The following ARID1A variants were observed in gnomAD, a reference collection of about 807,000 sequenced individuals.
The protein encoded by ARID1A is AT-rich interaction domain 1A.
A neutral mutation model predicts 212.6 loss-of-function variants in ARID1A; 20 were observed. The ratio of observed to expected loss-of-function variants is 0.09; its 90% confidence interval spans 0.07 to 0.14. ARID1A has a LOEUF of 0.14. Among genes scored for constraint, ARID1A ranks in the 10% least tolerant of loss-of-function variants. ARID1A has a pLI of 1.00. For missense variants in ARID1A, 2,587 were observed against 3,059.0 expected (o/e 0.85, Z 3.64); for synonymous variants, 1,376 against 1,222.1 (o/e 1.13, Z -2.63).
Position 26,755,563 on chromosome 1 carries a change from C to G in ARID1A, c.1921-5293C>G, listed in dbSNP as rs182318889. On this transcript the variant is annotated intron_variant, in intron 4 of 19. Coordinates refer to ENST00000324856, the MANE Select transcript of ARID1A (RefSeq NM_006015.6). Reference sequence around the variant, plus strand: ...GCCAGCCACAGATGCCTCCAGAGTTCTGAGACCCCAGCCCCAAGAGCTACA... The same window carrying G: ...GCCAGCCACAGATGCCTCCAGAGTTGTGAGACCCCAGCCCCAAGAGCTACA... Among the ~76,000 whole-genome samples the G allele has an allele frequency of 7.7e-4, 117 of 152,310 alleles. 2 individuals carry two copies. Among genetic ancestry groups the G allele is most frequent in the Admixed American group, 1.3e-3 (20 of 15,298 alleles).
intron 4 of ARID1A, among the ~76,000 whole-genome samples, chr1:26,748,821 T>A (rs765086189): frequency 1.3e-5 from 2 of 152,032 alleles, no homozygotes; most frequent in Admixed American, 6.6e-5. Flanking sequence ...GTTAGCGGCC[T>A]ATGGGAGTTC....
At chr1:26,773,278 G>T (rs1193595643) in intron 14 of ARID1A, 68 bp from the exon 15 acceptor site, 1 of 1,506,790 alleles carries the variant, frequency 6.6e-7, no homozygotes, top group South Asian at 1.3e-5. Flanking sequence ...AGAGGGCCTG[G>T]GTCAAAGGGT....
At chr1:26,754,030 G>A (rs1318162961) in intron 4 of ARID1A, among the ~76,000 whole-genome samples, 1 of 152,042 alleles carries the variant, frequency 6.6e-6, no homozygotes, top group Non-Finnish European at 1.5e-5. Flanking sequence ...GATGGTCTCA[G>A]TCTCCTGACC....
chr1:26,758,397 A>G (rs1299679903), intron 4 of ARID1A, among the ~76,000 whole-genome samples: 1 of 152,132 alleles, frequency 6.6e-6, no homozygotes, highest in African/African-American at 2.4e-5. Flanking sequence ...CCTGGGCAAC[A>G]TGGCAGAATC....
At chr1:26,709,863 C>T (rs1304232215) in intron 1 of ARID1A, among the ~76,000 whole-genome samples, 3 of 150,052 alleles carry the variant, frequency 2.0e-5, no homozygotes, top group Non-Finnish European at 4.4e-5. Context: ...GACAGAATCT[C>T]GCTCTGTCGG....
chr1:26,760,312 T>C (rs2080978716), intron 4 of ARID1A, among the ~76,000 whole-genome samples: 1 of 152,210 alleles, frequency 6.6e-6, no homozygotes, highest in African/African-American at 2.4e-5. Flanking sequence ...TTGAGTAGTT[T>C]TGAAGGAGGC....
At chr1:26,713,668 A>G (rs1225943093) in intron 1 of ARID1A, among the ~76,000 whole-genome samples, 1 of 152,114 alleles carries the variant, frequency 6.6e-6, no homozygotes, top group Non-Finnish European at 1.5e-5. Context: ...GATTTTTAGT[A>G]TCTGCTTTCC....
intron 1 of ARID1A, among the ~76,000 whole-genome samples, chr1:26,712,625 T>C (rs1402706970): frequency 6.6e-6 from 1 of 152,052 alleles, no homozygotes; most frequent in African/African-American, 2.4e-5. Flanking sequence ...CAGGAGTTTA[T>C]TGGAGGCTGC....
At position 26,697,201 on chromosome 1, in the gene ARID1A, C is replaced by A; in HGVS notation, c.798C>A (p.Phe266Leu). 1 of 1,407,316 alleles carries A rather than the reference C, an allele frequency of 7.1e-7. No homozygotes were observed. Among genetic ancestry groups the A allele is most frequent in the Non-Finnish European group, 9.2e-7 (1 of 1,087,082 alleles). The allele number at this position is 1,407,316 out of a possible 1,614,324, so 87.2% of individuals were successfully genotyped here. A position where few individuals can be genotyped will look rare whatever the true frequency, so the allele number is the denominator to read the frequency against. The change falls in exon 1 of 20, where the codon TTC becomes TTA. Residue 266 changes from phenylalanine to leucine, a missense_variant. Around this residue, in one of 11 missense-constraint regions of ARID1A, gnomAD observed 735 missense variants for 590.6 expected, o/e 1.24. Transcript: ENST00000324856. The stretch of plus-strand genomic sequence containing the variant: ...CCGCCTCCTCGTCGTCTTCGTCCTT[C>A]GCTCAGCAGCGCTTCGGGGCCATGG... The part of the protein sequence containing the change: ...SASASSSSSS[F>L]AQQRFGAMGG...
At position 26,696,861 on chromosome 1, in the gene ARID1A, C is replaced by G. The variant is rs769828930; in HGVS notation, c.458C>G (p.Pro153Arg). 7.4e-7 allele frequency: 1 copy of G among 1,354,888 alleles called. No individual in the cohort carries two copies. Among genetic ancestry groups the G allele is most frequent in the Non-Finnish European group, 9.5e-7 (1 of 1,055,764 alleles). The allele number at this position is 1,354,888 out of a possible 1,614,324, so 83.9% of individuals were successfully genotyped here. The change falls in exon 1 of 20, where the codon CCC becomes CGC. Residue 153 changes from proline to arginine, a missense_variant. By Grantham distance (103) the Pro-to-Arg change is moderately radical. Transcript: ENST00000324856. Reference sequence around the variant, plus strand: ...CCCCCAGCCTACGGCTTCGGGCAACCCTACGGCCGGAGCCCGTCTGCCGTC... The same window carrying G: ...CCCCCAGCCTACGGCTTCGGGCAACGCTACGGCCGGAGCCCGTCTGCCGTC... ...LPPPAYGFGQ[P>R]YGRSPSAVAA...
intron 1 of ARID1A, among the ~76,000 whole-genome samples, chr1:26,721,158 G>A (rs769540871): frequency 2.0e-5 from 3 of 152,094 alleles, no homozygotes. Context: ...TTTGGTTCTT[G>A]TTTCATAGTT....
intron 18 of ARID1A, 52 bp from the exon 19 acceptor site, chr1:26,775,525 G>T (rs756230450): frequency 8.1e-6 from 13 of 1,609,020 alleles, no homozygotes; most frequent in Admixed American, 1.7e-5. Flanking sequence ...CCCTAGGGGT[G>T]CCTCCAGCCA....
rs2124119653 is a variant in ARID1A at position 26,774,690 on chromosome 1, C to T, written c.4463C>T (p.Ser1488Leu). ...ATGATGGGCGGCCCCATACAGGCAT[C>T]AGCTGAGGTTGCTCAGCAAGGCACC... The part of the protein sequence containing the change: ...PQMMGGPIQA[S>L]AEVAQQGTMW... The change falls in exon 18 of 20, where the codon TCA (serine) becomes TTA (leucine). Residue 1488 changes from serine (S) to leucine (L), a missense_variant. Around this residue, in one of 11 missense-constraint regions of ARID1A, gnomAD observed 890 missense variants for 1,098.2 expected, o/e 0.81. Coordinates refer to ENST00000324856, the MANE Select transcript of ARID1A (RefSeq NM_006015.6). The surrounding 1 kb of genome is among the most constrained non-coding windows in gnomAD (Gnocchi z 5.6). 6.2e-7 allele frequency: 1 copy of T among 1,614,240 alleles called. No homozygotes were observed. The highest frequency in any genetic ancestry group is 8.5e-7 in the Non-Finnish European group (1 of 1,180,040).
intron 4 of ARID1A, among the ~76,000 whole-genome samples, chr1:26,746,061 G>C (rs1297202766): frequency 6.6e-6 from 1 of 152,066 alleles, no homozygotes; most frequent in Non-Finnish European, 1.5e-5. Context: ...CAAAAAAATA[G>C]AAAAGGAAAA....
rs2124743475 is a variant in ARID1A, at chr1:26,697,175, T to C, written c.772T>C (p.Ser258Pro). ...CAAGCCGCCTCCCTCCTCCAGCGCC[T>C]CCGCCTCCTCGTCGTCTTCGTCCTT... ...GSKPPPSSSA[S>P]ASSSSSSFAQ... Residue 258 changes from serine (S) to proline (P), a missense_variant, in exon 1 of 20, where the codon TCC becomes CCC. By Grantham distance (74) the Ser-to-Pro change is moderately conservative. Around this residue, in one of 11 missense-constraint regions of ARID1A, gnomAD observed 735 missense variants for 590.6 expected, o/e 1.24. Coordinates refer to ENST00000324856, the MANE Select transcript of ARID1A (RefSeq NM_006015.6). The C allele has an allele frequency of 7.0e-7, 1 of 1,429,934 alleles. No homozygotes were observed. Among genetic ancestry groups the C allele is most frequent in the Non-Finnish European group, 9.1e-7 (1 of 1,097,004 alleles). The allele number at this position is 1,429,934 out of a possible 1,614,324, so 88.6% of individuals were successfully genotyped here.
chr1:26,718,749 C>T (rs923010877), intron 1 of ARID1A, among the ~76,000 whole-genome samples: 11 of 152,124 alleles, frequency 7.2e-5, no homozygotes, highest in African/African-American at 2.4e-4. Context: ...GCACAACCAT[C>T]GTAGGCCTAC....
At chr1:26,720,092 A>C (rs1014033918) in intron 1 of ARID1A, among the ~76,000 whole-genome samples, 3 of 151,464 alleles carry the variant, frequency 2.0e-5, no homozygotes, top group Admixed American at 1.3e-4. Context: ...TGCTACTAAA[A>C]ATACAAAAAT....
At chr1:26,711,724 A>G (rs1381185961) in intron 1 of ARID1A, among the ~76,000 whole-genome samples, 1 of 152,190 alleles carries the variant, frequency 6.6e-6, no homozygotes, top group African/African-American at 2.4e-5. Context: ...TTCTTCGGCA[A>G]TATGGCATGA....
At chr1:26,720,490 AG>A (rs767392246) in intron 1 of ARID1A, among the ~76,000 whole-genome samples, 25 of 151,190 alleles carry the variant, frequency 1.7e-4, no homozygotes, top group African/African-American at 2.9e-4. Flanking sequence ...AAAAAAAAAA[AG>A]GTACAACCTT....
Sources: gnomAD v4.1 joint callset for allele counts (sites outside exome capture counted in the v4.1 genomes callset) on GRCh38, gnomAD v4.1.1 for gene constraint, gnomAD v4.1.1 regional missense constraint, Gnocchi (gnomAD v3.1) non-coding constraint, MANE v1.5 for transcripts, NCBI Gene and HGNC (gene_info 2026-07-23, HGNC 2026-07-21) for gene names.